ASTE1: variants seen among roughly 807,000 people sequenced by gnomAD.
The protein encoded by ASTE1 is single-strand DNA endonuclease ASTE1.
Under a neutral mutation model 45.8 loss-of-function variants are expected in ASTE1, and 49 were observed. That is an observed-to-expected ratio of 1.07 (90% confidence interval 0.85 to 1.36). The LOEUF (loss-of-function observed/expected upper bound fraction) is 1.36, where lower values mean the gene tolerates loss of function less well. ASTE1 is among the 40% of genes most tolerant of loss of function. The pLI, the probability that ASTE1 is intolerant of heterozygous loss-of-function variation, is 0.00. For synonymous variants in ASTE1, 296 were observed against 303.9 expected (o/e 0.97, Z 0.27); for missense variants, 709 against 804.0 (o/e 0.88, Z 1.43).
intron 1 of ASTE1, among the ~76,000 whole-genome samples, chr3:131,026,021 G>A (rs2063863040): frequency 6.6e-6 from 1 of 152,114 alleles, no homozygotes; most frequent in Non-Finnish European, 1.5e-5. Flanking sequence ...TTCCTCACCT[G>A]GCTAACTTAA....
At chr3:131,017,034 A>G (rs953449910) in intron 4 of ASTE1, 2 of 1,289,306 alleles carry the variant, frequency 1.6e-6, no homozygotes, top group African/African-American at 3.0e-5. Flanking sequence ...CTGCCTGGGT[A>G]CAGGGTCCAC....
At chr3:131,020,800 TAGC>T (rs2063732191) in intron 3 of ASTE1, among the ~76,000 whole-genome samples, 1 of 152,242 alleles carries the variant, frequency 6.6e-6, no homozygotes, top group Non-Finnish European at 1.5e-5. Flanking sequence ...AGCTGGGTGA[TAGC>T]AGAGCGCAGA....
At chr3:131,015,962 A>T in intron 5 of ASTE1, 182 bp downstream of exon 5, 1 of 783,932 alleles carries the variant, frequency 1.3e-6, no homozygotes, top group Non-Finnish European at 2.1e-6. Context: ...GAAATAATTT[A>T]ATATTTTTCC....
chr3:131,023,860 G>T, intron 3 of ASTE1, 145 bp downstream of exon 3: 2 of 828,724 alleles, frequency 2.4e-6, no homozygotes, highest in Non-Finnish European at 3.6e-6. Context: ...GTTCACTCAA[G>T]TTCTAGATTT....
chr3:131,017,049 C>T, intron 4 of ASTE1: 2 of 1,289,324 alleles, frequency 1.6e-6, no homozygotes, highest in Non-Finnish European at 2.0e-6. Context: ...GTCCACATTT[C>T]CTAAAAGAAA....
Position 131,025,079 on chromosome 3 carries a change from A to T in ASTE1, c.228T>A (p.Val76=), listed in dbSNP as rs747000378. The change falls in exon 3 of 6, where the codon GTT becomes GTA. Residue 76 remains valine, a synonymous_variant. Coordinates refer to ENST00000264992, the MANE Select transcript of ASTE1 (RefSeq NM_014065.4). Reference sequence around the variant, plus strand: ...AAATGTCACATCCTCCATCTAATACAACATATGGGCATATATTACAAGCAA... The same window carrying T: ...AAATGTCACATCCTCCATCTAATACTACATATGGGCATATATTACAAGCAA... ...SLFACNICPY[V]VLDGGCDISD... is the part of the protein sequence containing the mutation. 1.2e-6 allele frequency: 2 copies of T among 1,612,920 alleles called. No individual in the cohort carries two copies. Among genetic ancestry groups the T allele is most frequent in the African/African-American group, 2.7e-5 (2 of 74,832 alleles).
chr3:131,021,167 T>G (rs943948486), intron 3 of ASTE1, among the ~76,000 whole-genome samples: 29 of 152,160 alleles, frequency 1.9e-4, no homozygotes, highest in African/African-American at 6.0e-4. Flanking sequence ...GAATAAACAA[T>G]GGGAGAGACT....
In ASTE1 at chr3:131,024,419, C is replaced by T. The variant is rs1325827531; in HGVS notation, c.888G>A (p.Met296Ile). Residue 296 changes from methionine (M) to isoleucine (I), a missense_variant, in exon 3 of 6, where the codon ATG (methionine) becomes ATA (isoleucine). Transcript: ENST00000264992. ...TCACCTGGGACTGTTGGTATTCTTCCATGGAACAGCAGAGAAGTTCCTTAA... is the reference window on the plus strand; with the variant it reads ...TCACCTGGGACTGTTGGTATTCTTCTATGGAACAGCAGAGAAGTTCCTTAA... Reference protein sequence around the residue: ...ENVKELLCCSMEEYQQSQVKL... With the variant: ...ENVKELLCCSIEEYQQSQVKL... 6.2e-7 allele frequency: 1 copy of T among 1,614,210 alleles called. No individual in the cohort carries two copies. Among genetic ancestry groups the T allele is most frequent in the East Asian group, 2.2e-5 (1 of 44,874 alleles).
In ASTE1 at chr3:131,024,548, G is replaced by A. The variant is rs747361607; in HGVS notation, c.759C>T (p.His253=). ...LGATSSKGRR[H]HRILGLLNWL... ...AATTCAGAAGTCCCAGGATTCGGTG[G>A]TGTCTCCTCCCTTTAGAACTGGTAG... Residue 253 remains histidine, a synonymous_variant, in exon 3 of 6, where the codon CAC becomes CAT. Coordinates refer to ENST00000264992, the MANE Select transcript of ASTE1 (RefSeq NM_014065.4). 4 of 1,614,106 alleles carry A rather than the reference G, an allele frequency of 2.5e-6. No individual in the cohort carries two copies. Among genetic ancestry groups the A allele is most frequent in the East Asian group, 4.5e-5 (2 of 44,878 alleles).
rs2063825795 is a variant in ASTE1, at chr3:131,025,456, A to T, written c.-26+18T>A. 5 of 1,261,352 alleles carry T rather than the reference A, an allele frequency of 4.0e-6. No individual in the cohort carries two copies. Among genetic ancestry groups the T allele is most frequent in the Non-Finnish European group, 4.2e-6 (4 of 949,660 alleles). The allele number at this position is 1,261,352 out of a possible 1,614,324, so 78.1% of individuals were successfully genotyped here. On this transcript the variant is annotated intron_variant, in intron 2 of 5. Coordinates refer to ENST00000264992, the MANE Select transcript of ASTE1 (RefSeq NM_014065.4). ...GCTCTTTAGATAGAACATAGATATCAACATCATAAATTCTTACCTAGATCC... is the reference window on the plus strand; with the variant it reads ...GCTCTTTAGATAGAACATAGATATCTACATCATAAATTCTTACCTAGATCC...
rs2063448049 is a variant in ASTE1, at chr3:131,013,979, A to T, written c.*78T>A. On this transcript the variant is annotated 3_prime_UTR_variant, in exon 6 of 6. Coordinates refer to ENST00000264992, the MANE Select transcript of ASTE1 (RefSeq NM_014065.4). Reference sequence around the variant, plus strand: ...ACAGGTCAGTCCTAAAGAAAAAGCTAATTGTTTCAAGGGTGGTAACGGAAG... The same window carrying T: ...ACAGGTCAGTCCTAAAGAAAAAGCTTATTGTTTCAAGGGTGGTAACGGAAG... 3 of 1,049,018 alleles carry T rather than the reference A, an allele frequency of 2.9e-6. No homozygotes were observed. The highest frequency in any genetic ancestry group is 4.1e-6 in the Non-Finnish European group (3 of 728,604). 65.0% of individuals were successfully genotyped at this position (1,049,018 alleles called of 1,614,324 possible). A position where few individuals can be genotyped will look rare whatever the true frequency, so the allele number is the denominator to read the frequency against.
At chr3:131,017,153 T>C in intron 4 of ASTE1, 1 of 727,742 alleles carries the variant, frequency 1.4e-6, no homozygotes, top group East Asian at 6.7e-5. Context: ...TATTTATTAT[T>C]CAATCAGAGG....
Position 131,024,868 on chromosome 3 carries a change from T to C in ASTE1, c.439A>G (p.Thr147Ala). 6.2e-7 allele frequency: 1 copy of C among 1,614,150 alleles called. No individual in the cohort carries two copies. Among genetic ancestry groups the C allele is most frequent in the Non-Finnish European group, 8.5e-7 (1 of 1,180,018 alleles). ...GGGCAATTCCAATGGTTAGCAAGTG[T>C]CATAATGTCCCGATCTGCTTCTGAA... The part of the protein sequence containing the change: ...CFSEADRDIM[T>A]LANHWNCPVL... Residue 147 changes from threonine (T) to alanine (A), a missense_variant, in exon 3 of 6, where the codon ACA becomes GCA. By Grantham distance (58) the Thr-to-Ala change is moderately conservative. Transcript: ENST00000264992.
rs781017198 is a variant in ASTE1, at chr3:131,024,503, G to C, written c.804C>G (p.Asn268Lys). Residue 268 changes from asparagine to lysine, a missense_variant, in exon 3 of 6, where the codon AAC becomes AAG. Coordinates refer to ENST00000264992, the MANE Select transcript of ASTE1 (RefSeq NM_014065.4). Reference sequence around the variant, plus strand: ...GAACATTATCTAGTGCTTCGGTAGGGTTGGCAAAATGAGACAACCAATTCA... The same window carrying C: ...GAACATTATCTAGTGCTTCGGTAGGCTTGGCAAAATGAGACAACCAATTCA... Reference protein sequence around the residue: ...GLLNWLSHFANPTEALDNVLK... With the variant: ...GLLNWLSHFAKPTEALDNVLK... 1.5e-5 allele frequency: 25 copies of C among 1,614,120 alleles called. No individual in the cohort carries two copies. The East Asian group carries it at 4.9e-4, about 32-fold the overall frequency.
chr3:131,021,004 A>G (rs779104900), intron 3 of ASTE1, among the ~76,000 whole-genome samples: 1 of 152,234 alleles, frequency 6.6e-6, no homozygotes, highest in Non-Finnish European at 1.5e-5. Context: ...TTCTAGATAC[A>G]TTATAGATCT....
intron 3 of ASTE1, among the ~76,000 whole-genome samples, chr3:131,019,743 A>T (rs563132855): frequency 6.6e-6 from 1 of 152,246 alleles, no homozygotes; most frequent in African/African-American, 2.4e-5. Context: ...TAGTAGAAAG[A>T]GTGGTTGACA....
intron 4 of ASTE1, among the ~76,000 whole-genome samples, chr3:131,017,299 C>T (rs2063664120): frequency 6.6e-6 from 1 of 152,204 alleles, no homozygotes; most frequent in Non-Finnish European, 1.5e-5. Context: ...AACAGGAATC[C>T]ATGCTGTTTC....
At chr3:131,016,601 A>G in intron 4 of ASTE1, 1 of 478,562 alleles carries the variant, frequency 2.1e-6, no homozygotes, top group African/African-American at 1.9e-5. Flanking sequence ...CTGGTCTACT[A>G]CCTGACCATA....
chr3:131,016,043 GTT>G, intron 5 of ASTE1, 99 bp downstream of exon 5: 4 of 1,270,800 alleles, frequency 3.1e-6, no homozygotes, highest in Admixed American at 2.2e-5. Context: ...TTTTGTTTTG[GTT>G]TTTTTTTTTA....
Sources: gnomAD v4.1 joint callset for allele counts (sites outside exome capture counted in the v4.1 genomes callset) on GRCh38, gnomAD v4.1.1 for gene constraint, MANE v1.5 for transcripts, NCBI Gene and HGNC (gene_info 2026-07-23, HGNC 2026-07-21) for gene names.